The following CTNNA3 variants were observed in gnomAD, a reference collection of about 807,000 sequenced individuals.
CTNNA3 encodes catenin alpha-3.
Under a neutral mutation model 95.7 loss-of-function variants are expected in CTNNA3, and 76 were observed. The observed-to-expected ratio is 0.79, with a 90% CI of 0.66 to 0.96. The LOEUF (loss-of-function observed/expected upper bound fraction) is 0.96, where lower values mean the gene tolerates loss of function less well. Among genes scored for constraint, CTNNA3 ranks in the 40% least tolerant of loss-of-function variants. The probability of loss-of-function intolerance (pLI) is 0.00; values close to 1 mark genes in which losing one functional copy is unlikely to be tolerated. For missense variants in CTNNA3, 1,191 were observed against 1,089.8 expected, an observed-to-expected ratio of 1.09 and a Z score of -1.31; for synonymous variants, 431 against 374.4, an observed-to-expected ratio of 1.15 and a Z score of -1.74.
chr10:66,207,386 T>C (rs1371313859), intron 13 of CTNNA3, among the ~76,000 whole-genome samples: 1 of 151,952 alleles, frequency 6.6e-6, no homozygotes, highest in East Asian at 1.9e-4. Flanking sequence ...TTATATAATA[T>C]GCAACCAAAG....
rs539312150 is a variant in CTNNA3 at position 67,672,416 on chromosome 10, A to G, written c.-6+23584T>C. Among the ~76,000 whole-genome samples, 554 of 152,242 alleles carry G rather than the reference A, an allele frequency of 3.6e-3. 5 individuals are homozygous for G. Among genetic ancestry groups the G allele is most frequent in the African/African-American group, 0.013 (520 of 41,542 alleles). Reference sequence around the variant, plus strand: ...TTGTTGCCATTGCTTTTGGTGTTTTAGACATGAAGTCCTTGCCCATGCCTA... The same window carrying G: ...TTGTTGCCATTGCTTTTGGTGTTTTGGACATGAAGTCCTTGCCCATGCCTA... On this transcript the variant is annotated intron_variant, in intron 1 of 17. Coordinates refer to ENST00000433211, the MANE Select transcript of CTNNA3 (RefSeq NM_013266.4).
chr10:66,373,094 T>A (rs986939866), intron 12 of CTNNA3, among the ~76,000 whole-genome samples: 3 of 152,276 alleles, frequency 2.0e-5, no homozygotes, highest in Non-Finnish European at 4.4e-5. Flanking sequence ...TATTATTTTT[T>A]AAAAAATAAG....
intron 5 of CTNNA3, among the ~76,000 whole-genome samples, chr10:67,513,383 G>T (rs1839703151): frequency 6.6e-6 from 1 of 152,206 alleles, no homozygotes; most frequent in Admixed American, 6.5e-5. Flanking sequence ...GTACATTTCT[G>T]TGAACACTCA....
At chr10:66,101,093 C>T (rs1188994133) in intron 14 of CTNNA3, among the ~76,000 whole-genome samples, 2 of 152,136 alleles carry the variant, frequency 1.3e-5, no homozygotes, top group Non-Finnish European at 2.9e-5. Flanking sequence ...GAGTGAACCA[C>T]GCACCCACTT....
chr10:67,106,434 T>C (rs954452196), intron 7 of CTNNA3, among the ~76,000 whole-genome samples: 4 of 152,226 alleles, frequency 2.6e-5, no homozygotes, highest in South Asian at 4.1e-4. Context: ...AAAAAGAATG[T>C]CTATTTAGTT....
rs569694429 is a variant in CTNNA3 at position 66,154,719 on chromosome 10, CATAT to C, written c.1885-51474_1885-51471del. On this transcript the variant is annotated intron_variant, in intron 13 of 17. Transcript: ENST00000433211. The stretch of plus-strand genomic sequence containing the variant: ...TCTCTCTCTACTTTTTGAAAAAGTT[CATAT>C]ATATATATATATATATATTTCCCTT... Among the ~76,000 whole-genome samples the C allele has an allele frequency of 2.0e-3, 152 of 74,810 alleles. 6 individuals carry two copies. The highest frequency in any genetic ancestry group is 3.1e-3 in the Non-Finnish European group (126 of 41,046). 49.1% of individuals were successfully genotyped at this position (74,810 alleles called of 152,430 possible).
intron 11 of CTNNA3, among the ~76,000 whole-genome samples, chr10:66,471,240 T>G (rs531132665): frequency 6.2e-4 from 94 of 151,920 alleles, no homozygotes; most frequent in Non-Finnish European, 1.2e-3. Context: ...GTATTATCTC[T>G]ATCATATTTT....
chr10:66,896,109 A>C (rs1326374066), intron 7 of CTNNA3, among the ~76,000 whole-genome samples: 1 of 151,956 alleles, frequency 6.6e-6, no homozygotes, highest in Non-Finnish European at 1.5e-5. Context: ...AAAAAATATA[A>C]AATAAAATAA....
At chr10:66,902,324 T>C (rs1845786106) in intron 7 of CTNNA3, among the ~76,000 whole-genome samples, 1 of 152,182 alleles carries the variant, frequency 6.6e-6, no homozygotes, top group South Asian at 2.1e-4. Context: ...AGATGTTCTT[T>C]AAAACCAGTG....
intron 5 of CTNNA3, among the ~76,000 whole-genome samples, chr10:67,494,028 T>C (rs375335831): frequency 2.6e-5 from 4 of 152,014 alleles, no homozygotes; most frequent in South Asian, 4.2e-4. Flanking sequence ...CAGAAGAAAA[T>C]GGGATTCAGA....
intron 5 of CTNNA3, among the ~76,000 whole-genome samples, chr10:67,371,647 G>C (rs1843470871): frequency 6.6e-6 from 1 of 152,140 alleles, no homozygotes. Context: ...ATCTGGGTTG[G>C]TTCCAAGTCT....
intron 5 of CTNNA3, among the ~76,000 whole-genome samples, chr10:67,497,744 T>C (rs1226927512): frequency 6.6e-6 from 1 of 152,234 alleles, no homozygotes; most frequent in East Asian, 1.9e-4. Context: ...TTGAGAAATA[T>C]CTGTTCATAT....
At chr10:66,516,367 G>A (rs998220215) in intron 11 of CTNNA3, among the ~76,000 whole-genome samples, 4 of 152,168 alleles carry the variant, frequency 2.6e-5, no homozygotes, top group East Asian at 1.9e-4. Context: ...CTGCTTGACT[G>A]TTTAATGGCC....
At chr10:67,093,819 G>A (rs935093440) in intron 7 of CTNNA3, among the ~76,000 whole-genome samples, 2 of 151,898 alleles carry the variant, frequency 1.3e-5, no homozygotes, top group African/African-American at 4.8e-5. Flanking sequence ...TTTCATCCTA[G>A]TCACACTCCT....
intron 12 of CTNNA3, among the ~76,000 whole-genome samples, chr10:66,295,489 T>C (rs1462884533): frequency 6.6e-6 from 1 of 152,112 alleles, no homozygotes. Flanking sequence ...AGTTTGTAAT[T>C]GTAGGACATG....
At chr10:66,790,076 T>C (rs1840907297) in intron 7 of CTNNA3, among the ~76,000 whole-genome samples, 1 of 152,132 alleles carries the variant, frequency 6.6e-6, no homozygotes, top group African/African-American at 2.4e-5. Flanking sequence ...GGTGTCTCAA[T>C]GAAAAGAAAA....
chr10:67,137,339 T>G (rs1475842302), intron 7 of CTNNA3, among the ~76,000 whole-genome samples: 6 of 152,202 alleles, frequency 3.9e-5, no homozygotes, highest in African/African-American at 1.4e-4. Context: ...CTTGGATTGC[T>G]CTTACACAGT....
intron 7 of CTNNA3, among the ~76,000 whole-genome samples, chr10:67,089,186 T>C (rs1486134267): frequency 6.6e-6 from 1 of 152,048 alleles, no homozygotes; most frequent in African/African-American, 2.4e-5. Context: ...AGGACTGTAC[T>C]TGTGACCTCA....
At chr10:66,367,015 A>G (rs974324234) in intron 12 of CTNNA3, among the ~76,000 whole-genome samples, 3 of 152,156 alleles carry the variant, frequency 2.0e-5, no homozygotes, top group Middle Eastern at 3.2e-3. Flanking sequence ...AAGAAATGCA[A>G]CATAGCAGAA....
Sources: allele counts gnomAD v4.1 joint callset (sites outside exome capture counted in the v4.1 genomes callset), GRCh38; gene constraint gnomAD v4.1.1; transcripts MANE v1.5; gene names NCBI Gene and HGNC (gene_info 2026-07-23, HGNC 2026-07-21).